Variants in TTC28 observed in about 807,000 individuals in gnomAD.
TTC28 encodes tetratricopeptide repeat domain 28.
A neutral mutation model predicts 198.0 loss-of-function variants in TTC28; 61 were observed. That is an observed-to-expected ratio of 0.31 (90% CI 0.25 to 0.38). The LOEUF (loss-of-function observed/expected upper bound fraction) is 0.38. Ranked by LOEUF, TTC28 falls within the 10% of genes least tolerant of loss-of-function variation. The probability of loss-of-function intolerance (pLI) is 1.00; values close to 1 mark genes in which losing one functional copy is unlikely to be tolerated. For synonymous variants in TTC28, 1,171 were observed against 1,297.8 expected, an observed-to-expected ratio of 0.90 and a Z score of 2.10; for missense variants, 2,678 against 3,164.0, an observed-to-expected ratio of 0.85 and a Z score of 3.69.
chr22:28,458,005 T>C (rs1417355048), intron 2 of TTC28, among the ~76,000 whole-genome samples: 1 of 152,146 alleles, frequency 6.6e-6, no homozygotes, highest in Non-Finnish European at 1.5e-5. Context: ...TTGCATATTA[T>C]AAATGTGTAT....
chr22:28,387,337 A>G (rs1245861241), intron 2 of TTC28, among the ~76,000 whole-genome samples: 3 of 152,224 alleles, frequency 2.0e-5, no homozygotes, highest in African/African-American at 7.2e-5. Flanking sequence ...AGCATGATTT[A>G]TAGTCCTTTG....
chr22:28,081,878 G>A (rs559668780), intron 12 of TTC28, among the ~76,000 whole-genome samples: 13 of 152,314 alleles, frequency 8.5e-5, no homozygotes, highest in African/African-American at 2.9e-4. Context: ...AACTCTTGTA[G>A]TCCATGATCA....
chr22:27,991,011 C>T (rs537285409), intron 19 of TTC28, among the ~76,000 whole-genome samples, 199 bp from the exon 20 acceptor site: 2 of 152,210 alleles, frequency 1.3e-5, no homozygotes, highest in African/African-American at 2.4e-5. Flanking sequence ...CCAGGCCAGC[C>T]GCGTGCGGAT....
chr22:28,477,874 T>C (rs1016192053), intron 2 of TTC28, among the ~76,000 whole-genome samples: 2 of 152,178 alleles, frequency 1.3e-5, no homozygotes, highest in Admixed American at 6.5e-5. Context: ...GGAAAAGACA[T>C]GTGGGACAAA....
chr22:28,267,736 A>C (rs1931779897), intron 5 of TTC28, among the ~76,000 whole-genome samples: 1 of 152,170 alleles, frequency 6.6e-6, no homozygotes, highest in South Asian at 2.1e-4. Flanking sequence ...GCAGTACCTA[A>C]TCAGAAGTAA....
intron 3 of TTC28, among the ~76,000 whole-genome samples, chr22:28,299,935 G>A (rs2044983935): frequency 1.3e-5 from 2 of 152,160 alleles, no homozygotes; most frequent in South Asian, 4.1e-4. Context: ...TGACTACTGG[G>A]AAAGGTGGAA....
At chr22:28,277,796 T>C (rs1351596619) in intron 5 of TTC28, among the ~76,000 whole-genome samples, 2 of 152,164 alleles carry the variant, frequency 1.3e-5, no homozygotes, top group Admixed American at 6.5e-5. Context: ...AAAACTACCA[T>C]TAATTTGCTT....
intron 12 of TTC28, among the ~76,000 whole-genome samples, chr22:28,055,143 G>C (rs1177266658): frequency 1.3e-5 from 2 of 152,166 alleles, no homozygotes; most frequent in African/African-American, 2.4e-5. Flanking sequence ...GTGAAAAACA[G>C]GTAATGTCTA....
At chr22:27,991,073 G>T (rs1937386144) in intron 19 of TTC28, among the ~76,000 whole-genome samples, 1 of 152,190 alleles carries the variant, frequency 6.6e-6, no homozygotes, top group African/African-American at 2.4e-5. Context: ...GCCAGTAGAG[G>T]CTCGGGAGGG....
intron 2 of TTC28, among the ~76,000 whole-genome samples, chr22:28,353,859 A>G (rs1242812452): frequency 6.6e-6 from 1 of 152,212 alleles, no homozygotes; most frequent in Non-Finnish European, 1.5e-5. Context: ...AATTTTTTAC[A>G]TAGCCAAAGG....
At chr22:28,404,241 T>TC (rs2046964569) in intron 2 of TTC28, among the ~76,000 whole-genome samples, 1 of 152,044 alleles carries the variant, frequency 6.6e-6, no homozygotes, top group Non-Finnish European at 1.5e-5. Context: ...TGCCTCAGCC[T>TC]CCCGAGTAGC....
intron 5 of TTC28, among the ~76,000 whole-genome samples, chr22:28,260,668 GA>G (rs1430298701): frequency 6.6e-6 from 1 of 152,126 alleles, no homozygotes; most frequent in Non-Finnish European, 1.5e-5. Flanking sequence ...CCTTTCGCTA[GA>G]AAAACAGCAT....
At chr22:28,509,445 T>C (rs940137203) in intron 2 of TTC28, among the ~76,000 whole-genome samples, 18 of 152,028 alleles carry the variant, frequency 1.2e-4, no homozygotes, top group Admixed American at 1.0e-3. Context: ...GGATAAATAA[T>C]GAAACTAAGA....
At chr22:28,081,664 G>C (rs981343110) in intron 12 of TTC28, among the ~76,000 whole-genome samples, 1 of 151,818 alleles carries the variant, frequency 6.6e-6, no homozygotes, top group Non-Finnish European at 1.5e-5. Flanking sequence ...AGCTAATTTT[G>C]TACATTTAGT....
At chr22:28,676,488 A>T (rs1029335446) in intron 1 of TTC28, among the ~76,000 whole-genome samples, 23 of 152,172 alleles carry the variant, frequency 1.5e-4, no homozygotes, top group African/African-American at 5.3e-4. Context: ...TTCTGCACTC[A>T]AGGGGATTTC....
intron 12 of TTC28, among the ~76,000 whole-genome samples, chr22:28,041,835 G>A (rs1313871073): frequency 1.3e-5 from 2 of 151,938 alleles, no homozygotes; most frequent in Non-Finnish European, 2.9e-5. Context: ...ATCTACACAT[G>A]TGACAAAGGG....
At chr22:28,654,748 A>C (rs1451764278) in intron 1 of TTC28, among the ~76,000 whole-genome samples, 1 of 152,188 alleles carries the variant, frequency 6.6e-6, no homozygotes, top group Non-Finnish European at 1.5e-5. Context: ...GTGGACTAGC[A>C]ACTCCTTAGG....
intron 14 of TTC28, chr22:28,008,382 C>G (rs1938009723): frequency 6.6e-6 from 1 of 152,210 alleles, no homozygotes; most frequent in Non-Finnish European, 1.5e-5. Context: ...GTTCAACAGC[C>G]TAACAGACAT....
At chr22:28,006,269 A>C (rs559771523) in intron 14 of TTC28, among the ~76,000 whole-genome samples, 1 of 152,222 alleles carries the variant, frequency 6.6e-6, no homozygotes, top group Non-Finnish European at 1.5e-5. Context: ...CCCACAGGAC[A>C]GCGCTAACAT....
Sources: gnomAD v4.1 joint callset for allele counts (sites outside exome capture counted in the v4.1 genomes callset) on GRCh38, gnomAD v4.1.1 for gene constraint, MANE v1.5 for transcripts, NCBI Gene and HGNC (gene_info 2026-07-23, HGNC 2026-07-21) for gene names.